DHX40: variants seen among roughly 807,000 people sequenced by gnomAD.
DHX40 encodes the protein probable ATP-dependent RNA helicase DHX40.
Under a neutral mutation model 89.6 loss-of-function variants are expected in DHX40, and 28 were observed. That is an observed-to-expected ratio of 0.31 (90% CI 0.23 to 0.43). DHX40 has a LOEUF of 0.43. Ranked by LOEUF, DHX40 falls within the 20% of genes least tolerant of loss-of-function variation. The probability of loss-of-function intolerance (pLI) is 1.00; values close to 1 mark genes in which losing one functional copy is unlikely to be tolerated. For missense variants in DHX40, 457 were observed against 844.0 expected (o/e 0.54, Z 5.68); for synonymous variants, 226 against 283.6 (o/e 0.80, Z 2.04).
intron 4 of DHX40, 127 bp downstream of exon 4, chr17:59,573,362 C>T: frequency 2.5e-6 from 2 of 798,870 alleles, no homozygotes; most frequent in East Asian, 2.8e-5. Context: ...TGGAGTCTTG[C>T]TCCATCACCC....
In DHX40 at chr17:59,605,548, G is replaced by A; in HGVS notation, c.2074G>A (p.Val692Ile). Residue 692 changes from valine to isoleucine, a missense_variant, in exon 17 of 18, where the codon GTA becomes ATA. Physicochemically the swap from Val to Ile is conservative, Grantham distance 29. Transcript: ENST00000251241. ...TGTATGCCCAATCCGTTATGAATGG[G>A]TAAGAGACTTGTTACCCAAGTTGCA... is the stretch of plus-strand genomic sequence containing the variant. Reference protein sequence around the residue: ...RIVCPIRYEWVRDLLPKLHEF... With the variant: ...RIVCPIRYEWIRDLLPKLHEF... 6.2e-7 allele frequency: 1 copy of A among 1,614,166 alleles called. No individual in the cohort carries two copies. The highest frequency in any genetic ancestry group is 8.5e-7 in the Non-Finnish European group (1 of 1,180,026).
At position 59,588,035 on chromosome 17, in the gene DHX40, A is replaced by G; in HGVS notation, c.1564A>G (p.Asn522Asp). 6.2e-7 allele frequency: 1 copy of G among 1,613,570 alleles called. No homozygotes were observed. Among genetic ancestry groups the G allele is most frequent in the Non-Finnish European group, 8.5e-7 (1 of 1,179,718 alleles). The change falls in exon 12 of 18, where the codon AAC (asparagine) becomes GAC (aspartate). Residue 522 changes from asparagine to aspartate, a missense_variant. Asn to Asp is a conservative substitution (Grantham distance 23). This residue lies in a region of DHX40 where 19 missense variants were observed against 24.2 expected (regional missense o/e 0.78). Transcript: ENST00000251241. ...LPIAAMLSVE[N>D]VFIRPVDPEY... Reference sequence around the variant, plus strand: ...AATAGCAGCAATGTTGTCTGTGGAAAACGTCTTCATTAGACCTGGTAAGAT... The same window carrying G: ...AATAGCAGCAATGTTGTCTGTGGAAGACGTCTTCATTAGACCTGGTAAGAT...
Position 59,570,641 on chromosome 17 carries a change from G to A in DHX40, c.404G>A (p.Arg135His), listed in dbSNP as rs2048793482. 5 of 1,607,758 alleles carry A rather than the reference G, an allele frequency of 3.1e-6. No individual in the cohort carries two copies. The highest frequency in any genetic ancestry group is 1.3e-5 in the African/African-American group (1 of 74,456). ...TLGSKVGYQVRFDDCSSKETA... is the reference protein window; with the variant it reads ...TLGSKVGYQVHFDDCSSKETA... ...GGATCCAAAGTAGGATACCAAGTTC[G>A]TTTTGATGATTGCAGTTCTAAGGTA... The change falls in exon 3 of 18, where the codon CGT becomes CAT. Residue 135 changes from arginine (R) to histidine (H), a missense_variant. Around this residue, in one of 9 missense-constraint regions of DHX40, gnomAD observed 61 missense variants for 100.4 expected, o/e 0.61. Coordinates refer to ENST00000251241, the MANE Select transcript of DHX40 (RefSeq NM_024612.5).
At chr17:59,604,923 T>G in intron 15 of DHX40, 192 bp from the exon 16 acceptor site, 2 of 571,696 alleles carry the variant, frequency 3.5e-6, no homozygotes, top group Admixed American at 5.9e-5. Flanking sequence ...TTGTAGTGAC[T>G]GTTTAACCTG....
intron 2 of DHX40, among the ~76,000 whole-genome samples, chr17:59,567,999 C>T (rs954432340): frequency 3.3e-5 from 5 of 151,942 alleles, no homozygotes; most frequent in Admixed American, 3.3e-4. Flanking sequence ...CTTTGGGAGG[C>T]CAGGGCAGGT....
intron 12 of DHX40, among the ~76,000 whole-genome samples, chr17:59,591,085 G>A (rs1258846840): frequency 6.6e-6 from 1 of 151,436 alleles, no homozygotes; most frequent in East Asian, 1.9e-4. Flanking sequence ...GAGGCAGGTG[G>A]GTCACCTGAG....
Position 59,602,483 on chromosome 17 carries a change from A to G in DHX40, c.1807-39A>G, listed in dbSNP as rs376075330. On this transcript the variant is annotated intron_variant, in intron 14 of 17. Transcript: ENST00000251241. ...AAAATAAAAGATTATTTCAAATTGT[A>G]CTATGAGATTTACCACTCTCTACAT... is the stretch of plus-strand genomic sequence containing the variant. The G allele has an allele frequency of 4.2e-5, 63 of 1,488,296 alleles. No individual in the cohort carries two copies. The Admixed American group carries it at 1.1e-3, about 26-fold the overall frequency. 92.2% of individuals were successfully genotyped at this position (1,488,296 alleles called of 1,614,324 possible).
intron 12 of DHX40, among the ~76,000 whole-genome samples, chr17:59,592,306 A>G (rs1053823269): frequency 7.9e-5 from 12 of 151,994 alleles, no homozygotes; most frequent in Non-Finnish European, 1.8e-4. Flanking sequence ...AAACAACCCT[A>G]TATAACTACA....
Position 59,605,433 on chromosome 17 carries a change from A to G in DHX40, c.1972-13A>G, listed in dbSNP as rs372337282. Reference sequence around the variant, plus strand: ...TATTGAGTTACCATCATTAAAAGAAATGTTTTGTATAGCTTCATGAACAGG... The same window carrying G: ...TATTGAGTTACCATCATTAAAAGAAGTGTTTTGTATAGCTTCATGAACAGG... On this transcript the variant is annotated splice_polypyrimidine_tract_variant and intron_variant, in intron 16 of 17. Coordinates refer to ENST00000251241, the MANE Select transcript of DHX40 (RefSeq NM_024612.5). 6.3e-4 allele frequency: 1,015 copies of G among 1,604,206 alleles called. 2 individuals carry two copies. Among genetic ancestry groups the G allele is most frequent in the Non-Finnish European group, 8.1e-4 (949 of 1,172,476 alleles).
At position 59,565,651 on chromosome 17, in the gene DHX40, C is replaced by T. The variant is rs558188493; in HGVS notation, c.-21C>T. ...CTCCTCAGATCGGTGGACGTGCTCGCCTCCACTCGGGGCCAGGTCTATGTC... is the reference window on the plus strand; with the variant it reads ...CTCCTCAGATCGGTGGACGTGCTCGTCTCCACTCGGGGCCAGGTCTATGTC... On this transcript the variant is annotated 5_prime_UTR_variant, in exon 1 of 18. Transcript: ENST00000251241. 84 of 1,592,466 alleles carry T rather than the reference C, an allele frequency of 5.3e-5. No individual in the cohort carries two copies. The South Asian group carries it at 8.7e-4, about 17-fold the overall frequency.
At chr17:59,601,142 TAAA>T (rs754817890) in intron 14 of DHX40, among the ~76,000 whole-genome samples, 1 of 122,614 alleles carries the variant, frequency 8.2e-6, no homozygotes, top group Non-Finnish European at 1.8e-5. Context: ...TTGTCTCTAC[TAAA>T]AAAAAAAAAA....
intron 10 of DHX40, among the ~76,000 whole-genome samples, chr17:59,581,986 C>A (rs2048952674): frequency 9.1e-6 from 1 of 110,004 alleles, no homozygotes; most frequent in African/African-American, 4.5e-5. Context: ...AAGGAAAGCG[C>A]CATTTAAAGA....
At position 59,573,978 on chromosome 17, in the gene DHX40, G is replaced by T. The variant is rs970703985; in HGVS notation, c.774+11G>T. On this transcript the variant is annotated intron_variant, in intron 5 of 17. Coordinates refer to ENST00000251241, the MANE Select transcript of DHX40 (RefSeq NM_024612.5). ...GCGTATATTCAAGCGGTATTACTTG[G>T]CATTCATTTAATGTCTTTTTTAAAT... 6 of 1,387,400 alleles carry T rather than the reference G, an allele frequency of 4.3e-6. No individual in the cohort carries two copies. In the African/African-American group the frequency reaches 6.3e-5, roughly 15 times the overall value. The allele number at this position is 1,387,400 out of a possible 1,614,324, so 85.9% of individuals were successfully genotyped here.
At position 59,602,556 on chromosome 17, in the gene DHX40, C is replaced by T. The variant is rs369046977; in HGVS notation, c.1841C>T (p.Pro614Leu). 7 of 1,613,672 alleles carry T rather than the reference C, an allele frequency of 4.3e-6. No individual in the cohort carries two copies. The highest frequency in any genetic ancestry group is 3.4e-6 in the Non-Finnish European group (4 of 1,179,778). The change falls in exon 15 of 18, where the codon CCT (proline) becomes CTT (leucine). Residue 614 changes from proline to leucine, a missense_variant. By Grantham distance (98) the Pro-to-Leu change is moderately conservative (BLOSUM62 -3). Transcript: ENST00000251241. ...TTCCCAAAAGAGACCTTTGAAGGCC[C>T]TAAACATGAAGTACTACGAAGATGT... ...SDFPKETFEG[P>L]KHEVLRRCLC... is the part of the protein sequence containing the mutation.
At chr17:59,605,264 C>A in intron 16 of DHX40, 80 bp downstream of exon 16, 1 of 1,438,040 alleles carries the variant, frequency 7.0e-7, no homozygotes, top group Non-Finnish European at 9.7e-7. Flanking sequence ...TTCTACTTTT[C>A]ACTTTGGAGT....
chr17:59,606,944 C>A, intron 17 of DHX40, 89 bp from the exon 18 acceptor site: 1 of 1,249,904 alleles, frequency 8.0e-7, no homozygotes, highest in Non-Finnish European at 1.1e-6. Flanking sequence ...TTTGTTAACA[C>A]TGAAAAATCA....
chr17:59,572,752 C>G (rs2048828822), intron 3 of DHX40, among the ~76,000 whole-genome samples: 1 of 152,124 alleles, frequency 6.6e-6, no homozygotes, highest in Non-Finnish European at 1.5e-5. Flanking sequence ...TCTCATTTCC[C>G]CCGAATCCTC....
At chr17:59,577,601 A>G (rs2048903360) in intron 8 of DHX40, among the ~76,000 whole-genome samples, 1 of 151,120 alleles carries the variant, frequency 6.6e-6, no homozygotes, top group Middle Eastern at 3.4e-3. Flanking sequence ...TTTTAGAGAC[A>G]GGGTCTCATT....
chr17:59,602,272 G>C (rs1269674094), intron 14 of DHX40, among the ~76,000 whole-genome samples: 4 of 152,100 alleles, frequency 2.6e-5, no homozygotes, highest in Non-Finnish European at 1.5e-5. Context: ...GCTGAAGTTG[G>C]GGCAGTTGTT....
Sources: allele counts gnomAD v4.1 joint callset (sites outside exome capture counted in the v4.1 genomes callset), GRCh38; gene constraint gnomAD v4.1.1; regional missense constraint gnomAD v4.1.1; transcripts MANE v1.5; gene names NCBI Gene and HGNC (gene_info 2026-07-23, HGNC 2026-07-21).